Variants in NKAIN1 observed in about 807,000 individuals in gnomAD.
NKAIN1 encodes the protein sodium/potassium-transporting ATPase subunit beta-1-interacting protein 1.
Under a neutral mutation model 31.6 loss-of-function variants are expected in NKAIN1, and 13 were observed. The ratio of observed to expected loss-of-function variants is 0.41; its 90% confidence interval spans 0.27 to 0.65. The LOEUF (loss-of-function observed/expected upper bound fraction) is 0.65. Among genes scored for constraint, NKAIN1 ranks in the 30% least tolerant of loss-of-function variants. The pLI, the probability that NKAIN1 is intolerant of heterozygous loss-of-function variation, is 0.30. For synonymous variants in NKAIN1, 104 were observed against 109.0 expected, an observed-to-expected ratio of 0.95 and a Z score of 0.28; for missense variants, 193 against 262.2, an observed-to-expected ratio of 0.74 and a Z score of 1.82.
intron 1 of NKAIN1, among the ~76,000 whole-genome samples, chr1:31,195,548 C>T (rs752839902): frequency 7.9e-5 from 12 of 152,226 alleles, no homozygotes; most frequent in African/African-American, 2.2e-4. Context: ...TCCCTTCTCT[C>T]TTGTAAACAT....
At chr1:31,200,820 G>A (rs544028966) in intron 1 of NKAIN1, among the ~76,000 whole-genome samples, 3 of 150,512 alleles carry the variant, frequency 2.0e-5, no homozygotes, top group South Asian at 2.1e-4. Context: ...ACATGTATTC[G>A]TCTTATAAAC....
intron 1 of NKAIN1, among the ~76,000 whole-genome samples, chr1:31,191,398 A>T: frequency 8.5e-6 from 1 of 117,490 alleles, no homozygotes. Flanking sequence ...AAACAGAGAG[A>T]GGTTTTTTTT....
chr1:31,216,054 A>C (rs1645509429), intron 1 of NKAIN1, among the ~76,000 whole-genome samples: 1 of 151,844 alleles, frequency 6.6e-6, no homozygotes, highest in African/African-American at 2.4e-5. Flanking sequence ...TGAGCTCTTA[A>C]GCAGATACCT....
chr1:31,232,869 T>C (rs911826004), intron 1 of NKAIN1, among the ~76,000 whole-genome samples: 1 of 152,108 alleles, frequency 6.6e-6, no homozygotes, highest in Non-Finnish European at 1.5e-5. Flanking sequence ...CTTGGAGAGA[T>C]GTCATTTTAC....
chr1:31,184,507 C>A (rs1213749728), intron 3 of NKAIN1, among the ~76,000 whole-genome samples: 1 of 152,170 alleles, frequency 6.6e-6, no homozygotes, highest in African/African-American at 2.4e-5. Context: ...AGGGGCCAAG[C>A]ACTCAGATGT....
At chr1:31,236,231 C>T (rs187985307) in intron 1 of NKAIN1, among the ~76,000 whole-genome samples, 6 of 152,308 alleles carry the variant, frequency 3.9e-5, no homozygotes. Flanking sequence ...TACTATCCTA[C>T]ACTTATCCAT....
chr1:31,225,324 C>A (rs1384942183), intron 1 of NKAIN1, among the ~76,000 whole-genome samples: 2 of 95,556 alleles, frequency 2.1e-5, no homozygotes, highest in Non-Finnish European at 3.9e-5. Flanking sequence ...CCATGCCCGG[C>A]CTTTTTTTTT....
intron 1 of NKAIN1, among the ~76,000 whole-genome samples, chr1:31,232,955 G>A (rs929787486): frequency 6.6e-6 from 1 of 152,054 alleles, no homozygotes; most frequent in African/African-American, 2.4e-5. Flanking sequence ...TTATGAGGAT[G>A]GATCACTTGT....
Position 31,185,344 on chromosome 1 carries a change from T to A in NKAIN1, c.193-17A>T. On this transcript the variant is annotated splice_polypyrimidine_tract_variant and intron_variant, in intron 2 of 6. Coordinates refer to ENST00000373736, the MANE Select transcript of NKAIN1 (RefSeq NM_024522.3). ...GGCTGCATACTGGGGAAAGCAGAGGTGGGATCAGGGTGGGGCCTGGGGAGT... is the reference window on the plus strand; with the variant it reads ...GGCTGCATACTGGGGAAAGCAGAGGAGGGATCAGGGTGGGGCCTGGGGAGT... The A allele has an allele frequency of 1.3e-6, 2 of 1,596,052 alleles. No homozygotes were observed. Among genetic ancestry groups the A allele is most frequent in the Non-Finnish European group, 1.7e-6 (2 of 1,170,038 alleles).
At chr1:31,217,465 C>T (rs1645522059) in intron 1 of NKAIN1, among the ~76,000 whole-genome samples, 1 of 152,100 alleles carries the variant, frequency 6.6e-6, no homozygotes, top group Non-Finnish European at 1.5e-5. Flanking sequence ...CATGCCTGGC[C>T]TTGCATTATG....
intron 1 of NKAIN1, among the ~76,000 whole-genome samples, chr1:31,225,705 A>G (rs1645599023): frequency 7.1e-6 from 1 of 141,240 alleles, no homozygotes; most frequent in Admixed American, 6.7e-5. Flanking sequence ...CCTCTCAGAA[A>G]ACTAGAATTT....
At chr1:31,229,009 T>C (rs1645627881) in intron 1 of NKAIN1, among the ~76,000 whole-genome samples, 1 of 152,168 alleles carries the variant, frequency 6.6e-6, no homozygotes, top group Non-Finnish European at 1.5e-5. Context: ...TACTCTCCTC[T>C]CATTTCCCAC....
At chr1:31,215,604 C>T (rs539861272) in intron 1 of NKAIN1, among the ~76,000 whole-genome samples, 8 of 152,094 alleles carry the variant, frequency 5.3e-5, no homozygotes, top group East Asian at 1.9e-4. Context: ...TCCTGCAGCA[C>T]GAAGGAATAA....
At position 31,192,537 on chromosome 1, in the gene NKAIN1, G is replaced by A. The variant is rs555486086; in HGVS notation, c.55-4350C>T. 2.0e-5 allele frequency among the ~76,000 whole-genome samples: 3 copies of A among 152,054 alleles called. No homozygotes were observed. In the East Asian group the frequency reaches 5.8e-4, roughly 29 times the overall value. On this transcript the variant is annotated intron_variant, in intron 1 of 6. Transcript: ENST00000373736. Reference sequence around the variant, plus strand: ...AAAGGCCGTCTCTTCCTCCGATGGTGAGTGCAGATTTAAATGAATTTTTTT... The same window carrying A: ...AAAGGCCGTCTCTTCCTCCGATGGTAAGTGCAGATTTAAATGAATTTTTTT...
In NKAIN1 at chr1:31,232,424, T is replaced by TATATATATAG. The variant is rs1313157898; in HGVS notation, c.54+7069_54+7070insCTATATATAT. Among the ~76,000 whole-genome samples the TATATATATAG allele has an allele frequency of 1.1e-3, 18 of 16,922 alleles. 1 individual carries two copies. The highest frequency in any genetic ancestry group is 1.4e-3 in the Non-Finnish European group (12 of 8,746). The allele number at this position is 16,922 out of a possible 152,430, so 11.1% of individuals were successfully genotyped here. A position where few individuals can be genotyped will look rare whatever the true frequency, so the allele number is the denominator to read the frequency against. Reference sequence around the variant, plus strand: ...ATATATATATATATATATATATATATAGAGAGAGAGAGAGAGAGAGAGAGA... The same window carrying TATATATATAG: ...ATATATATATATATATATATATATATATATATATAGAGAGAGAGAGAGAGAGAGAGAGAGA... On this transcript the variant is annotated intron_variant, in intron 1 of 6. Transcript: ENST00000373736.
chr1:31,219,327 T>A (rs1217693290), intron 1 of NKAIN1, among the ~76,000 whole-genome samples: 1 of 152,256 alleles, frequency 6.6e-6, no homozygotes, highest in Non-Finnish European at 1.5e-5. Flanking sequence ...GTGTAAGCTA[T>A]GTCCACACCT....
At chr1:31,215,868 G>A (rs1645507943) in intron 1 of NKAIN1, among the ~76,000 whole-genome samples, 1 of 152,140 alleles carries the variant, frequency 6.6e-6, no homozygotes, top group African/African-American at 2.4e-5. Context: ...TAATAACAAT[G>A]GCTAAGATAT....
In NKAIN1 at chr1:31,183,918, G is replaced by A. The variant is rs1645222660; in HGVS notation, c.370C>T (p.Arg124Cys). Residue 124 changes from arginine (R) to cysteine (C), a missense_variant, in exon 4 of 7, where the codon CGC (arginine) becomes TGC (cysteine). Arg to Cys is a radical substitution (Grantham distance 180, BLOSUM62 -3). Coordinates refer to ENST00000373736, the MANE Select transcript of NKAIN1 (RefSeq NM_024522.3). ...ACATGGTGGTCCTCCAGAGCCAGGC[G>A]GGAGTTCAGAACAGGTGTCACCAGG... ...GCLVTPVLNSRLALEDHHVIS... is the reference protein window; with the variant it reads ...GCLVTPVLNSCLALEDHHVIS... The A allele has an allele frequency of 3.7e-6, 6 of 1,614,080 alleles. No homozygotes were observed. Among genetic ancestry groups the A allele is most frequent in the African/African-American group, 1.3e-5 (1 of 75,004 alleles).
At chr1:31,189,141 A>T (rs940901203) in intron 1 of NKAIN1, among the ~76,000 whole-genome samples, 6 of 151,948 alleles carry the variant, frequency 3.9e-5, no homozygotes, top group Non-Finnish European at 8.8e-5. Context: ...CGGGGAGGAG[A>T]GCGAAGGCAC....
Sources: gnomAD v4.1 joint callset for allele counts (sites outside exome capture counted in the v4.1 genomes callset) on GRCh38, gnomAD v4.1.1 for gene constraint, MANE v1.5 for transcripts, NCBI Gene and HGNC (gene_info 2026-07-23, HGNC 2026-07-21) for gene names.